The following ANKS1B variants were observed in gnomAD, a reference collection of about 807,000 sequenced individuals.
ANKS1B encodes ankyrin repeat and sterile alpha motif domain containing 1B, also known as ankyrin repeat and sterile alpha motif domain-containing protein 1B.
In ANKS1B, 36 loss-of-function variants were observed where a neutral mutation model predicts 148.3. That is an observed-to-expected ratio of 0.24 (90% CI 0.19 to 0.32). The LOEUF is 0.32. Ranked by LOEUF, ANKS1B falls within the 10% of genes least tolerant of loss-of-function variation. The pLI is 1.00. For synonymous variants in ANKS1B, 542 were observed against 560.8 expected (o/e 0.97, Z 0.47); for missense variants, 1,157 against 1,542.6 (o/e 0.75, Z 4.19).
chr12:98,999,486 G>T (rs1391909227), intron 17 of ANKS1B, among the ~76,000 whole-genome samples: 1 of 152,032 alleles, frequency 6.6e-6, no homozygotes, highest in Non-Finnish European at 1.5e-5. Flanking sequence ...TGGGATTTGG[G>T]TCAGATAAAT....
At chr12:99,698,271 A>C (rs2054234428) in intron 8 of ANKS1B, among the ~76,000 whole-genome samples, 1 of 152,218 alleles carries the variant, frequency 6.6e-6, no homozygotes, top group African/African-American at 2.4e-5. Flanking sequence ...TTTGAATACA[A>C]TACTGTTTCC....
chr12:98,781,198 A>G lies in ANKS1B; in HGVS notation c.3360T>C (p.Ser1120=). 1 of 1,571,716 alleles carries G rather than the reference A, an allele frequency of 6.4e-7. No individual in the cohort carries two copies. The highest frequency in any genetic ancestry group is 8.7e-7 in the Non-Finnish European group (1 of 1,154,806). The change falls in exon 24 of 27, where the codon TCT becomes TCC. Residue 1120 remains serine, a synonymous_variant. Coordinates refer to ENST00000683438, the MANE Select transcript of ANKS1B (RefSeq NM_001352186.2). The part of the protein sequence containing the change: ...CAKMRANCQK[S]TEQMKKVPTI... ...TAGGGACCTTCTTCATTTGCTCTGT[A>G]GACTTCTGAAATTAAAATTAGAAAG...
intron 17 of ANKS1B, among the ~76,000 whole-genome samples, chr12:99,001,457 G>A (rs77689517): frequency 0.022 from 3,395 of 152,216 alleles, 125 homozygotes; most frequent in African/African-American, 0.077. Flanking sequence ...GATAAATACC[G>A]AAAAGTGGGA....
At position 98,784,437 on chromosome 12, in the gene ANKS1B, G is replaced by A. The variant is rs546991551; in HGVS notation, c.3343-2300C>T. Among the ~76,000 whole-genome samples the A allele has an allele frequency of 4.6e-5, 7 of 152,330 alleles. No homozygotes were observed. In the East Asian group the frequency reaches 1.4e-3, roughly 29 times the overall value. ...AGGTAGGAGCAATGCCCCATGCCAT[G>A]AGGACTAACAAGGCCTAAAATGGTG... On this transcript the variant is annotated intron_variant, in intron 22 of 26. Coordinates refer to ENST00000683438, the MANE Select transcript of ANKS1B (RefSeq NM_001352186.2).
chr12:99,772,204 C>T (rs2063258752), intron 8 of ANKS1B, among the ~76,000 whole-genome samples: 1 of 152,082 alleles, frequency 6.6e-6, no homozygotes, highest in Non-Finnish European at 1.5e-5. Context: ...GTGAGAATCA[C>T]CCATGGCCTG....
intron 1 of ANKS1B, among the ~76,000 whole-genome samples, chr12:99,895,718 C>T (rs1179358177): frequency 4.0e-5 from 6 of 151,020 alleles, no homozygotes; most frequent in Non-Finnish European, 7.4e-5. Flanking sequence ...AACACACCAG[C>T]ACACCTCCCT....
chr12:99,306,788 T>C (rs1232728282), intron 12 of ANKS1B, among the ~76,000 whole-genome samples: 1 of 152,136 alleles, frequency 6.6e-6, no homozygotes, highest in Non-Finnish European at 1.5e-5. Context: ...TTCACATATC[T>C]AGTGTTCATT....
chr12:99,643,125 G>A (rs965646615), intron 9 of ANKS1B, among the ~76,000 whole-genome samples: 1 of 152,162 alleles, frequency 6.6e-6, no homozygotes, highest in African/African-American at 2.4e-5. Context: ...GCATTATGCT[G>A]TCTTTATCAC....
intron 14 of ANKS1B, among the ~76,000 whole-genome samples, chr12:99,196,850 G>A (rs2081446398): frequency 4.6e-5 from 7 of 152,004 alleles, no homozygotes; most frequent in Admixed American, 4.6e-4. Context: ...TGTAAATTGT[G>A]TCCTCAAATC....
intron 9 of ANKS1B, among the ~76,000 whole-genome samples, chr12:99,635,992 G>C (rs1444867796): frequency 6.6e-6 from 1 of 151,880 alleles, no homozygotes. Flanking sequence ...GCCTAAGCAA[G>C]ATACAAAATC....
chr12:99,955,234 C>A (rs1414111603), intron 1 of ANKS1B, among the ~76,000 whole-genome samples: 1 of 152,088 alleles, frequency 6.6e-6, no homozygotes, highest in Non-Finnish European at 1.5e-5. Context: ...CCCTACACCC[C>A]AGGGTGACAA....
At chr12:99,558,201 C>T (rs556347856) in intron 9 of ANKS1B, among the ~76,000 whole-genome samples, 1 of 152,092 alleles carries the variant, frequency 6.6e-6, no homozygotes, top group Non-Finnish European at 1.5e-5. Context: ...TGGCGGTATT[C>T]GTATGCATGC....
intron 9 of ANKS1B, among the ~76,000 whole-genome samples, chr12:99,521,524 G>C (rs942101146): frequency 5.3e-5 from 8 of 152,092 alleles, no homozygotes; most frequent in African/African-American, 1.9e-4. Flanking sequence ...GTTTGTGCCT[G>C]TCCTTCTTGG....
At chr12:99,480,047 A>C (rs2096385931) in intron 10 of ANKS1B, among the ~76,000 whole-genome samples, 1 of 151,880 alleles carries the variant, frequency 6.6e-6, no homozygotes, top group South Asian at 2.1e-4. Context: ...CAATTTAAAA[A>C]TGAAAAATTT....
chr12:98,824,136 T>C (rs535491384), intron 19 of ANKS1B, among the ~76,000 whole-genome samples: 2 of 152,362 alleles, frequency 1.3e-5, no homozygotes, highest in African/African-American at 2.4e-5. Flanking sequence ...TATTACCATA[T>C]GATATTTTTT....
intron 4 of ANKS1B, among the ~76,000 whole-genome samples, chr12:99,794,490 C>CACACACA (rs761141277): frequency 4.0e-5 from 6 of 149,554 alleles, no homozygotes; most frequent in Non-Finnish European, 7.4e-5. Flanking sequence ...CACACACACA[C>CACACACA]ATTTTCTTGG....
intron 12 of ANKS1B, among the ~76,000 whole-genome samples, chr12:99,301,036 G>A (rs1217774305): frequency 1.3e-5 from 2 of 152,184 alleles, no homozygotes; most frequent in Non-Finnish European, 2.9e-5. Flanking sequence ...CCGAATCTCT[G>A]AGAACCGGGG....
intron 17 of ANKS1B, among the ~76,000 whole-genome samples, chr12:98,882,637 C>T (rs2099711106): frequency 6.6e-6 from 1 of 151,870 alleles, no homozygotes; most frequent in South Asian, 2.1e-4. Flanking sequence ...ATGTGGCATG[C>T]TTTAATATAT....
At chr12:99,241,578 T>G (rs1264386172) in intron 14 of ANKS1B, among the ~76,000 whole-genome samples, 1 of 152,214 alleles carries the variant, frequency 6.6e-6, no homozygotes, top group African/African-American at 2.4e-5. Flanking sequence ...TACCAAAGCC[T>G]GGCAGAGACA....
Sources: allele counts gnomAD v4.1 joint callset (sites outside exome capture counted in the v4.1 genomes callset), GRCh38; gene constraint gnomAD v4.1.1; transcripts MANE v1.5; gene names NCBI Gene and HGNC (gene_info 2026-07-23, HGNC 2026-07-21).